The following DLC1 variants were observed in gnomAD, a reference collection of about 807,000 sequenced individuals.
The protein encoded by DLC1 is DLC1 Rho GTPase activating protein, also known as rho GTPase-activating protein 7.
In DLC1, 54 loss-of-function variants were observed where a neutral mutation model predicts 140.3. That is an observed-to-expected ratio of 0.38 (90% confidence interval 0.31 to 0.48). The LOEUF (loss-of-function observed/expected upper bound fraction) is 0.48, where lower values mean the gene tolerates loss of function less well. DLC1 is among the 20% of genes least tolerant of loss of function. The pLI is 0.96. For missense variants in DLC1, 2,536 were observed against 1,907.0 expected (o/e 1.33, Z -6.14); for synonymous variants, 986 against 728.1 (o/e 1.35, Z -5.70).
At chr8:13,267,986 T>C (rs1283679256) in intron 5 of DLC1, among the ~76,000 whole-genome samples, 1 of 152,180 alleles carries the variant, frequency 6.6e-6, no homozygotes, top group Non-Finnish European at 1.5e-5. Context: ...TTGGCTGAAA[T>C]TCTGTGGAAT....
intron 4 of DLC1, among the ~76,000 whole-genome samples, chr8:13,313,433 T>A (rs1832757097): frequency 6.6e-6 from 1 of 152,202 alleles, no homozygotes; most frequent in Non-Finnish European, 1.5e-5. Flanking sequence ...TGCCACTAAT[T>A]GGCATGATGA....
intron 5 of DLC1, among the ~76,000 whole-genome samples, chr8:13,257,008 C>A (rs1023875681): frequency 4.6e-5 from 7 of 151,748 alleles, no homozygotes; most frequent in African/African-American, 1.7e-4. Flanking sequence ...ATGCATTTTG[C>A]AGCCTCTGAC....
At chr8:13,482,334 G>C (rs1056700829) in intron 2 of DLC1, among the ~76,000 whole-genome samples, 2 of 82,856 alleles carry the variant, frequency 2.4e-5, no homozygotes, top group Admixed American at 2.0e-4. Context: ...TACAAGAATG[G>C]GACAAGTCAG....
chr8:13,228,270 T>C (rs989551161), intron 5 of DLC1, among the ~76,000 whole-genome samples: 1 of 151,912 alleles, frequency 6.6e-6, no homozygotes, highest in Non-Finnish European at 1.5e-5. Flanking sequence ...GACTCATTTC[T>C]TTTTAAGGAG....
At chr8:13,406,279 A>C (rs1323432397) in intron 2 of DLC1, among the ~76,000 whole-genome samples, 2 of 147,016 alleles carry the variant, frequency 1.4e-5, no homozygotes, top group Non-Finnish European at 3.0e-5. Flanking sequence ...CAGCCTCCTG[A>C]AGTGCTGGGA....
intron 15 of DLC1, 108 bp from the exon 16 acceptor site, chr8:13,088,812 A>G: frequency 1.2e-6 from 1 of 805,510 alleles, no homozygotes; most frequent in Non-Finnish European, 2.0e-6. Context: ...AATCAACGTT[A>G]ATTGATTAAA....
intron 5 of DLC1, among the ~76,000 whole-genome samples, chr8:13,263,567 A>C (rs1228577744): frequency 6.6e-6 from 1 of 151,148 alleles, no homozygotes; most frequent in African/African-American, 2.4e-5. Flanking sequence ...TTTATATATG[A>C]TATATAATAC....
At chr8:13,541,787 G>C (rs1413668705) in intron 1 of DLC1, among the ~76,000 whole-genome samples, 2 of 152,188 alleles carry the variant, frequency 1.3e-5, no homozygotes, top group Non-Finnish European at 2.9e-5. Context: ...CTGACCACGT[G>C]ATCCGCCTGC....
intron 5 of DLC1, among the ~76,000 whole-genome samples, chr8:13,263,879 C>T (rs1393952101): frequency 1.3e-5 from 2 of 151,520 alleles, no homozygotes; most frequent in Non-Finnish European, 2.9e-5. Context: ...AGATGAGTTA[C>T]TCTACCACAG....
chr8:13,431,088 C>T (rs1346320419), intron 2 of DLC1, among the ~76,000 whole-genome samples: 1 of 152,112 alleles, frequency 6.6e-6, no homozygotes, highest in Non-Finnish European at 1.5e-5. Flanking sequence ...TTTAGGTTGT[C>T]CTTCTCAGAA....
intron 5 of DLC1, among the ~76,000 whole-genome samples, chr8:13,191,081 T>G (rs1201868079): frequency 1.3e-5 from 2 of 151,954 alleles, no homozygotes; most frequent in Non-Finnish European, 2.9e-5. Context: ...ACAAGAAAAT[T>G]CAAAAGAAAG....
chr8:13,110,133 A>G (rs1819953366), intron 7 of DLC1, among the ~76,000 whole-genome samples: 1 of 152,312 alleles, frequency 6.6e-6, no homozygotes. Flanking sequence ...ATCGACTGCT[A>G]CAGGTTTTAT....
intron 4 of DLC1, among the ~76,000 whole-genome samples, chr8:13,335,068 A>G (rs895646211): frequency 2.6e-5 from 4 of 152,130 alleles, no homozygotes; most frequent in Non-Finnish European, 5.9e-5. Context: ...CTCAGGAGAG[A>G]GGTCCAAGCT....
rs535846146 is a variant in DLC1, at chr8:13,587,354, A to G, written c.-126+17183T>C. Among the ~76,000 whole-genome samples the G allele has an allele frequency of 1.4e-4, 22 of 152,104 alleles. No individual in the cohort carries two copies. In the South Asian group the frequency reaches 1.7e-3, roughly 11 times the overall value. ...ACATATGTCTATTTTCACCTCCTCC[A>G]TCTGGAACTTTGTTTTAGGATATCA... is the stretch of plus-strand genomic sequence containing the variant. On this transcript the variant is annotated intron_variant, in intron 1 of 1. Transcript: ENST00000631382.
Position 13,092,698 on chromosome 8 carries a change from G to T in DLC1, c.3654C>A (p.Asn1218Lys). 1 of 1,614,192 alleles carries T rather than the reference G, an allele frequency of 6.2e-7. No homozygotes were observed. Among genetic ancestry groups the T allele is most frequent in the Non-Finnish European group, 8.5e-7 (1 of 1,180,028 alleles). ...CGGCCAGGTTGGTTGGGGTCATCTG[G>T]TTTTCTTTTACGGCTGCTGTGACAT... ...LSDVTAAVKE[N>K]QMTPTNLAVC... The change falls in exon 13 of 18, where the codon AAC becomes AAA. Residue 1218 changes from asparagine to lysine, a missense_variant. Physicochemically the swap from Asn to Lys is moderately conservative, Grantham distance 94. Transcript: ENST00000276297.
intron 10 of DLC1, among the ~76,000 whole-genome samples, chr8:13,096,574 A>G (rs368312767): frequency 2.0e-5 from 3 of 152,146 alleles, no homozygotes; most frequent in East Asian, 3.9e-4. Context: ...AGAACACATT[A>G]CGATCCCCAC....
intron 4 of DLC1, among the ~76,000 whole-genome samples, chr8:13,386,905 T>C (rs1185469464): frequency 6.6e-6 from 1 of 152,092 alleles, no homozygotes; most frequent in Non-Finnish European, 1.5e-5. Flanking sequence ...GAAGCAAATC[T>C]TTCTTTAAAA....
rs552021085 is a variant in DLC1 at position 13,482,848 on chromosome 8, C to A, written c.1023+16201G>T. ...CTGTACACTGGGCATATGCTAGCTG[C>A]TAAGGAGAGAATGGTGACTAAGTAA... On this transcript the variant is annotated intron_variant, in intron 2 of 17. Coordinates refer to ENST00000276297, the MANE Select transcript of DLC1 (RefSeq NM_182643.3). Among the ~76,000 whole-genome samples, 3 of 152,302 alleles carry A rather than the reference C, an allele frequency of 2.0e-5. No individual in the cohort carries two copies. The South Asian group carries it at 6.2e-4, about 32-fold the overall frequency.
At chr8:13,458,360 C>A (rs1250349786) in intron 2 of DLC1, among the ~76,000 whole-genome samples, 3 of 152,176 alleles carry the variant, frequency 2.0e-5, no homozygotes, top group Non-Finnish European at 4.4e-5. Flanking sequence ...CAGAATTAAA[C>A]TGAGTAAGAA....
Sources: gnomAD v4.1 joint callset for allele counts (sites outside exome capture counted in the v4.1 genomes callset) on GRCh38, gnomAD v4.1.1 for gene constraint, MANE v1.5 for transcripts, NCBI Gene and HGNC (gene_info 2026-07-23, HGNC 2026-07-21) for gene names.